The following OR2A5 variants were observed in gnomAD, a reference collection of about 807,000 sequenced individuals.
OR2A5 encodes olfactory receptor family 2 subfamily A member 5.
OR2A5 carries 2 observed loss-of-function variants against 1.9 expected under a neutral mutation model. The observed-to-expected ratio is 1.04, with a 90% CI of 0.43 to 3.28. OR2A5 has a LOEUF of 3.28. Ranked by LOEUF, OR2A5 falls within the 30% of genes most tolerant of loss-of-function variation. The pLI, the probability that OR2A5 is intolerant of heterozygous loss-of-function variation, is 0.08. For synonymous variants in OR2A5, 160 were observed against 154.5 expected, an observed-to-expected ratio of 1.04 and a Z score of -0.26; for missense variants, 391 against 375.9, an observed-to-expected ratio of 1.04 and a Z score of -0.33.
rs1008524317 is a variant in OR2A5, at chr7:144,055,218, G to A, written c.*3881G>A. ...GGGAAAAATACCCTAGAATCAAAAA[G>A]TAGGTTTACATAAAAGTGGAATTAA... On this transcript the variant is annotated 3_prime_UTR_variant, in exon 2 of 2. Transcript: ENST00000641693. 1 of 152,124 alleles carries A rather than the reference G, an allele frequency of 6.6e-6. No homozygotes were observed. 9.4% of individuals were successfully genotyped at this position (152,124 alleles called of 1,614,324 possible).
chr7:144,057,764 A>G lies in OR2A5; in HGVS notation c.*6427A>G, dbSNP rs2050951394. 6.6e-6 allele frequency: 1 copy of G among 152,206 alleles called. No homozygotes were observed. Among genetic ancestry groups the G allele is most frequent in the African/African-American group, 2.4e-5 (1 of 41,470 alleles). 9.4% of individuals were successfully genotyped at this position (152,206 alleles called of 1,614,324 possible). On this transcript the variant is annotated 3_prime_UTR_variant, in exon 2 of 2. Transcript: ENST00000641693. ...AAAGATGAAAACAGAATAAAAGTAT[A>G]TAGGGTACATGCGAAGCATACGAGT...
chr7:144,056,812 GTTTTTTTT>G lies in OR2A5; in HGVS notation c.*5488_*5495del, dbSNP rs71170612. On this transcript the variant is annotated 3_prime_UTR_variant, in exon 2 of 2. Transcript: ENST00000641693. The stretch of plus-strand genomic sequence containing the variant: ...TTCCCTGAAATAAGGACTAACTCTT[GTTTTTTTT>G]TTTTTTTTTTTTGAGACGGAGTCTC... 1 of 111,904 alleles carries G rather than the reference GTTTTTTTT, an allele frequency of 8.9e-6. No homozygotes were observed. Among genetic ancestry groups the G allele is most frequent in the Non-Finnish European group, 1.7e-5 (1 of 57,340 alleles). 6.9% of individuals were successfully genotyped at this position (111,904 alleles called of 1,614,324 possible).
rs1251455366 is a variant in OR2A5 at position 144,051,832 on chromosome 7, A to C, written c.*495A>C. Reference sequence around the variant, plus strand: ...TGGAACCTAAAGCCTAAGGATGATGATATTAGTACTGGAAGTTCATCTAAA... The same window carrying C: ...TGGAACCTAAAGCCTAAGGATGATGCTATTAGTACTGGAAGTTCATCTAAA... On this transcript the variant is annotated 3_prime_UTR_variant, in exon 2 of 2. Transcript: ENST00000641693. 1 of 155,308 alleles carries C rather than the reference A, an allele frequency of 6.4e-6. No individual in the cohort carries two copies. The highest frequency in any genetic ancestry group is 1.4e-5 in the Non-Finnish European group (1 of 69,884). 9.6% of individuals were successfully genotyped at this position (155,308 alleles called of 1,614,324 possible). A position where few individuals can be genotyped will look rare whatever the true frequency, so the allele number is the denominator to read the frequency against.
rs1438984663 is a variant in OR2A5, at chr7:144,057,929, C to T, written c.*6592C>T. The T allele has an allele frequency of 6.6e-6, 1 of 152,144 alleles. No individual in the cohort carries two copies. The highest frequency in any genetic ancestry group is 1.5e-5 in the Non-Finnish European group (1 of 68,008). The allele number at this position is 152,144 out of a possible 1,614,324, so 9.4% of individuals were successfully genotyped here. ...AATTAAATCACGGTAAAGCTCTTGACTTGACTAGAAAGGTGAAAATGCTGA... is the reference window on the plus strand; with the variant it reads ...AATTAAATCACGGTAAAGCTCTTGATTTGACTAGAAAGGTGAAAATGCTGA... On this transcript the variant is annotated 3_prime_UTR_variant, in exon 2 of 2. Coordinates refer to ENST00000641693, the MANE Select transcript of OR2A5 (RefSeq NM_012365.2).
In OR2A5 at chr7:144,055,996, C is replaced by T. The variant is rs1202086998; in HGVS notation, c.*4659C>T. 6.6e-6 allele frequency: 1 copy of T among 152,222 alleles called. No individual in the cohort carries two copies. The highest frequency in any genetic ancestry group is 1.9e-4 in the East Asian group (1 of 5,202). 9.4% of individuals were successfully genotyped at this position (152,222 alleles called of 1,614,324 possible). ...AAAAAGACAAAATTAGCCCCCAAGG[C>T]AAGATAAACATCTCTGTGGATCAGA... On this transcript the variant is annotated 3_prime_UTR_variant, in exon 2 of 2. Transcript: ENST00000641693.
intron 1 of OR2A5, 98 bp from the exon 2 acceptor site, chr7:144,050,253 G>T: frequency 1.8e-6 from 1 of 541,600 alleles, no homozygotes; most frequent in South Asian, 3.5e-5. Flanking sequence ...TGGCATAATG[G>T]CTCCGAAAAA....
In OR2A5 at chr7:144,051,571, G is replaced by A; in HGVS notation, c.*234G>A. The A allele has an allele frequency of 2.1e-6, 1 of 468,952 alleles. No individual in the cohort carries two copies. 29.0% of individuals were successfully genotyped at this position (468,952 alleles called of 1,614,324 possible). A position where few individuals can be genotyped will look rare whatever the true frequency, so the allele number is the denominator to read the frequency against. ...AAGTGCCATGAACTCCTACTCCCAGGTCCCACCCCTACCCAGGATCTGCTT... is the reference window on the plus strand; with the variant it reads ...AAGTGCCATGAACTCCTACTCCCAGATCCCACCCCTACCCAGGATCTGCTT... On this transcript the variant is annotated 3_prime_UTR_variant, in exon 2 of 2. Transcript: ENST00000641693.
In OR2A5 at chr7:144,056,810, T is replaced by C. The variant is rs889763741; in HGVS notation, c.*5473T>C. The C allele has an allele frequency of 2.6e-5, 3 of 114,188 alleles. No individual in the cohort carries two copies. Among genetic ancestry groups the C allele is most frequent in the East Asian group, 5.0e-4 (2 of 3,990 alleles). 7.1% of individuals were successfully genotyped at this position (114,188 alleles called of 1,614,324 possible). On this transcript the variant is annotated 3_prime_UTR_variant, in exon 2 of 2. Coordinates refer to ENST00000641693, the MANE Select transcript of OR2A5 (RefSeq NM_012365.2). The stretch of plus-strand genomic sequence containing the variant: ...CATTCCCTGAAATAAGGACTAACTC[T>C]TGTTTTTTTTTTTTTTTTTTTTGAG...
At position 144,053,356 on chromosome 7, in the gene OR2A5, C is replaced by T. The variant is rs915294476; in HGVS notation, c.*2019C>T. 9 of 151,816 alleles carry T rather than the reference C, an allele frequency of 5.9e-5. No homozygotes were observed. The highest frequency in any genetic ancestry group is 2.2e-4 in the African/African-American group (9 of 41,302). The allele number at this position is 151,816 out of a possible 1,614,324, so 9.4% of individuals were successfully genotyped here. A position where few individuals can be genotyped will look rare whatever the true frequency, so the allele number is the denominator to read the frequency against. On this transcript the variant is annotated 3_prime_UTR_variant, in exon 2 of 2. Coordinates refer to ENST00000641693, the MANE Select transcript of OR2A5 (RefSeq NM_012365.2). The stretch of plus-strand genomic sequence containing the variant: ...AACTAATTAAATGTTGGTGTTATGA[C>T]CGCTTTATATATACATATTTTCAAC...
rs1472779384 is a variant in OR2A5, at chr7:144,051,860, A to T, written c.*523A>T. ...TTAGTACTGGAAGTTCATCTAAATCACCCTAACAAATCTAATTCTGTAAAA... is the reference window on the plus strand; with the variant it reads ...TTAGTACTGGAAGTTCATCTAAATCTCCCTAACAAATCTAATTCTGTAAAA... On this transcript the variant is annotated 3_prime_UTR_variant, in exon 2 of 2. Transcript: ENST00000641693. 6.5e-6 allele frequency: 1 copy of T among 153,026 alleles called. No homozygotes were observed. Among genetic ancestry groups the T allele is most frequent in the Non-Finnish European group, 1.5e-5 (1 of 68,632 alleles). 9.5% of individuals were successfully genotyped at this position (153,026 alleles called of 1,614,324 possible).
In OR2A5 at chr7:144,050,868, C is replaced by T. The variant is rs1369825518; in HGVS notation, c.467C>T (p.Ala156Val). The change falls in exon 2 of 2, where the codon GCC (alanine) becomes GTC (valine). Residue 156 changes from alanine to valine, a missense_variant. Transcript: ENST00000641693. ...VTSWACGSLL[A>V]LVHVVLILRL... Reference sequence around the variant, plus strand: ...TCTTGGGCATGTGGTTCCCTTCTGGCCCTGGTCCATGTGGTTCTCATCCTG... The same window carrying T: ...TCTTGGGCATGTGGTTCCCTTCTGGTCCTGGTCCATGTGGTTCTCATCCTG... 3 of 1,614,042 alleles carry T rather than the reference C, an allele frequency of 1.9e-6. No individual in the cohort carries two copies. The highest frequency in any genetic ancestry group is 3.3e-5 in the Admixed American group (2 of 60,000).
rs2050940403 is a variant in OR2A5 at position 144,056,521 on chromosome 7, T to C, written c.*5184T>C. On this transcript the variant is annotated 3_prime_UTR_variant, in exon 2 of 2. Transcript: ENST00000641693. ...AGAGAGAAATGGAGAGAGAACTGGG[T>C]TTTTAAATCTATTTTCAGAAGCTGC... is the stretch of plus-strand genomic sequence containing the variant. 1 of 152,070 alleles carries C rather than the reference T, an allele frequency of 6.6e-6. No individual in the cohort carries two copies. Among genetic ancestry groups the C allele is most frequent in the Non-Finnish European group, 1.5e-5 (1 of 68,008 alleles). 9.4% of individuals were successfully genotyped at this position (152,070 alleles called of 1,614,324 possible).
Position 144,051,791 on chromosome 7 carries a change from T to G in OR2A5, c.*454T>G, listed in dbSNP as rs2961148. 0.65 allele frequency: 103,577 copies of G among 158,156 alleles called. 36,181 individuals carry two copies. Among genetic ancestry groups the G allele is most frequent in the African/African-American group, 0.91 (37,824 of 41,556 alleles). The allele number at this position is 158,156 out of a possible 1,614,324, so 9.8% of individuals were successfully genotyped here. ...GGGAATGTAACAACAACTAAGAGTA[T>G]AGAAAATGCCTGGTTTGGAACCTAA... On this transcript the variant is annotated 3_prime_UTR_variant, in exon 2 of 2. Transcript: ENST00000641693.
At position 144,050,539 on chromosome 7, in the gene OR2A5, G is replaced by A. The variant is rs2050893136; in HGVS notation, c.138G>A (p.Gly46=). ...TGCTGGGAAATGGGGCCATCCTGGG[G>A]CTCATCTGGCTGGACTCCAGACTGC... is the stretch of plus-strand genomic sequence containing the variant. ...FTLLGNGAIL[G]LIWLDSRLHT... is the part of the protein sequence containing the mutation. The change falls in exon 2 of 2, where the codon GGG becomes GGA. Residue 46 remains glycine, a synonymous_variant. Transcript: ENST00000641693. 6 of 1,609,310 alleles carry A rather than the reference G, an allele frequency of 3.7e-6. No individual in the cohort carries two copies. Among genetic ancestry groups the A allele is most frequent in the South Asian group, 1.1e-5 (1 of 90,080 alleles).
rs370562017 is a variant in OR2A5, at chr7:144,051,030, C to G, written c.629C>G (p.Pro210Arg). Residue 210 changes from proline (P) to arginine (R), a missense_variant, in exon 2 of 2, where the codon CCG becomes CGG. Physicochemically the swap from Pro to Arg is moderately radical, Grantham distance 103 (BLOSUM62 -2). Transcript: ENST00000641693. ...FAASVFILVG[P>R]LCLVLVSYSR... ...GCTTCAGTGTTCATCCTGGTGGGGC[C>G]GCTCTGCCTGGTGCTGGTCTCCTAC... is the stretch of plus-strand genomic sequence containing the variant. 1 of 1,614,234 alleles carries G rather than the reference C, an allele frequency of 6.2e-7. No individual in the cohort carries two copies. The highest frequency in any genetic ancestry group is 1.3e-5 in the African/African-American group (1 of 75,066).
At position 144,052,646 on chromosome 7, in the gene OR2A5, C is replaced by T. The variant is rs2050914658; in HGVS notation, c.*1309C>T. The T allele has an allele frequency of 6.6e-6, 1 of 152,108 alleles. No individual in the cohort carries two copies. Among genetic ancestry groups the T allele is most frequent in the Admixed American group, 6.5e-5 (1 of 15,272 alleles). 9.4% of individuals were successfully genotyped at this position (152,108 alleles called of 1,614,324 possible). ...GTTTTCTTTTCAGTTCTCAAAAAGC[C>T]TAGTTGCTGACTATTCTGCTCATCC... On this transcript the variant is annotated 3_prime_UTR_variant, in exon 2 of 2. Coordinates refer to ENST00000641693, the MANE Select transcript of OR2A5 (RefSeq NM_012365.2).
rs2050955328 is a variant in OR2A5 at position 144,058,228 on chromosome 7, AT to A, written c.*6892del. The A allele has an allele frequency of 6.6e-6, 1 of 152,220 alleles. No individual in the cohort carries two copies. The highest frequency in any genetic ancestry group is 1.5e-5 in the Non-Finnish European group (1 of 68,046). 9.4% of individuals were successfully genotyped at this position (152,220 alleles called of 1,614,324 possible). ...TCTTCACCCATTTATGAGTGAGAACATGCAATATTTGTCTTTCTGTGCCTGG... is the reference window on the plus strand; with the variant it reads ...TCTTCACCCATTTATGAGTGAGAACAGCAATATTTGTCTTTCTGTGCCTGG... On this transcript the variant is annotated 3_prime_UTR_variant, in exon 2 of 2. Coordinates refer to ENST00000641693, the MANE Select transcript of OR2A5 (RefSeq NM_012365.2).
rs1272329336 is a variant in OR2A5 at position 144,050,844 on chromosome 7, C to G, written c.443C>G (p.Ser148Cys). The change falls in exon 2 of 2, where the codon TCT (serine) becomes TGT (cysteine). Residue 148 changes from serine to cysteine, a missense_variant. By Grantham distance (112) the Ser-to-Cys change is moderately radical (BLOSUM62 -1). Transcript: ENST00000641693. ...WGVCTVLAVT[S>C]WACGSLLALV... Reference sequence around the variant, plus strand: ...GTGTGCACAGTCCTGGCTGTCACTTCTTGGGCATGTGGTTCCCTTCTGGCC... The same window carrying G: ...GTGTGCACAGTCCTGGCTGTCACTTGTTGGGCATGTGGTTCCCTTCTGGCC... 1 of 1,614,188 alleles carries G rather than the reference C, an allele frequency of 6.2e-7. No homozygotes were observed. Among genetic ancestry groups the G allele is most frequent in the Middle Eastern group, 1.6e-4 (1 of 6,062 alleles).
At position 144,054,267 on chromosome 7, in the gene OR2A5, C is replaced by T. The variant is rs936118286; in HGVS notation, c.*2930C>T. ...CTCAATCCTGAGTTTTATTTTAGGT[C>T]AGATGTGGCTAACAAGGTTTCAGCT... is the stretch of plus-strand genomic sequence containing the variant. On this transcript the variant is annotated 3_prime_UTR_variant, in exon 2 of 2. Coordinates refer to ENST00000641693, the MANE Select transcript of OR2A5 (RefSeq NM_012365.2). The T allele has an allele frequency of 1.6e-4, 25 of 152,146 alleles. No individual in the cohort carries two copies. The highest frequency in any genetic ancestry group is 3.2e-4 in the Non-Finnish European group (22 of 68,030). The allele number at this position is 152,146 out of a possible 1,614,324, so 9.4% of individuals were successfully genotyped here.
Sources: allele counts gnomAD v4.1 joint callset, GRCh38; gene constraint gnomAD v4.1.1; transcripts MANE v1.5; gene names NCBI Gene and HGNC (gene_info 2026-07-23, HGNC 2026-07-21).